PTPRT: variants seen among roughly 807,000 people sequenced by gnomAD.
PTPRT encodes receptor-type tyrosine-protein phosphatase T.
A neutral mutation model predicts 176.8 loss-of-function variants in PTPRT; 56 were observed. That is an observed-to-expected ratio of 0.32 (90% CI 0.26 to 0.40). The LOEUF is 0.40. PTPRT is among the 10% of genes least tolerant of loss of function. The pLI is 1.00. For missense variants in PTPRT, 1,540 were observed against 1,908.2 expected (o/e 0.81, Z 3.60); for synonymous variants, 783 against 739.0 (o/e 1.06, Z -0.96).
intron 7 of PTPRT, among the ~76,000 whole-genome samples, chr20:42,474,378 A>G (rs987144123): frequency 1.3e-5 from 2 of 152,236 alleles, no homozygotes; most frequent in African/African-American, 4.8e-5. Flanking sequence ...ACCAAGGAAC[A>G]TAGTTCACAG....
chr20:42,167,796 G>A (rs1290748286), intron 16 of PTPRT, among the ~76,000 whole-genome samples: 1 of 152,174 alleles, frequency 6.6e-6, no homozygotes, highest in Admixed American at 6.5e-5. Flanking sequence ...ATTCAAATGT[G>A]ATCTTCACAG....
At chr20:43,007,661 C>T (rs1416096679) in intron 1 of PTPRT, among the ~76,000 whole-genome samples, 3 of 152,132 alleles carry the variant, frequency 2.0e-5, no homozygotes, top group Non-Finnish European at 2.9e-5. Context: ...GCTTTTCTAC[C>T]GTAAGGGCTT....
intron 1 of PTPRT, among the ~76,000 whole-genome samples, chr20:43,025,556 CAGGGTTCTGT>C: frequency 6.6e-6 from 1 of 152,342 alleles, no homozygotes; most frequent in Non-Finnish European, 1.5e-5. Context: ...AATCATCACT[CAGGGTTCTGT>C]AGCCTCTTGC....
chr20:42,145,750 C>T (rs748132167), intron 17 of PTPRT, among the ~76,000 whole-genome samples: 38 of 152,138 alleles, frequency 2.5e-4, no homozygotes, highest in Non-Finnish European at 5.9e-5. Flanking sequence ...ACAACTTAGC[C>T]TTTCTTAGGT....
At chr20:42,095,433 T>C (rs1474320829) in intron 27 of PTPRT, among the ~76,000 whole-genome samples, 1 of 152,176 alleles carries the variant, frequency 6.6e-6, no homozygotes, top group East Asian at 1.9e-4. Flanking sequence ...ACCAGGTGCA[T>C]GCCTACCCTG....
intron 7 of PTPRT, among the ~76,000 whole-genome samples, chr20:42,605,087 G>A (rs975505642): frequency 5.3e-5 from 8 of 152,180 alleles, no homozygotes; most frequent in African/African-American, 1.9e-4. Context: ...ATGGAGTGAG[G>A]CGTGACCCAA....
At chr20:42,977,829 TG>T (rs1387942595) in intron 1 of PTPRT, among the ~76,000 whole-genome samples, 1 of 152,256 alleles carries the variant, frequency 6.6e-6, no homozygotes, top group African/African-American at 2.4e-5. Context: ...CTCAATCTTG[TG>T]ATAAAATCCT....
chr20:42,678,296 T>C, intron 6 of PTPRT, 137 bp from the exon 7 acceptor site: 1 of 808,108 alleles, frequency 1.2e-6, no homozygotes, highest in East Asian at 2.8e-5. Context: ...TGTTTTATTT[T>C]ATTATTTTTA....
chr20:42,126,081 T>C (rs1234444011), intron 19 of PTPRT, among the ~76,000 whole-genome samples: 1 of 151,942 alleles, frequency 6.6e-6, no homozygotes, highest in Non-Finnish European at 1.5e-5. Context: ...TCAGGTCTGG[T>C]TCCCATCCTG....
rs1982857860 is a variant in PTPRT, at chr20:42,077,183, C to T, written c.*3696G>A. On this transcript the variant is annotated 3_prime_UTR_variant, in exon 31 of 31. Transcript: ENST00000373187. ...TTGGTTCCTTTGCAGGCCACACCCA[C>T]AGAGAGGGCCAGCACTAAAAGCAAA... 5.4e-6 allele frequency: 1 copy of T among 183,832 alleles called. No individual in the cohort carries two copies. The highest frequency in any genetic ancestry group is 1.2e-5 in the Non-Finnish European group (1 of 86,686). The allele number at this position is 183,832 out of a possible 1,614,324, so 11.4% of individuals were successfully genotyped here.
chr20:42,183,625 C>T (rs536452105), intron 16 of PTPRT, among the ~76,000 whole-genome samples: 1 of 152,288 alleles, frequency 6.6e-6, no homozygotes, highest in South Asian at 2.1e-4. Context: ...CACCTCTATG[C>T]CCCTGTATAT....
At chr20:42,099,423 T>C (rs1405398839) in intron 26 of PTPRT, among the ~76,000 whole-genome samples, 1 of 152,068 alleles carries the variant, frequency 6.6e-6, no homozygotes, top group Non-Finnish European at 1.5e-5. Context: ...GACTTTGTTT[T>C]ACGTCCTTGG....
At chr20:42,841,558 G>A (rs989634900) in intron 2 of PTPRT, among the ~76,000 whole-genome samples, 1 of 151,082 alleles carries the variant, frequency 6.6e-6, no homozygotes, top group Non-Finnish European at 1.5e-5. Flanking sequence ...GCTACAGATA[G>A]CTTCATAACA....
intron 2 of PTPRT, among the ~76,000 whole-genome samples, chr20:42,795,382 C>T (rs2077439092): frequency 6.6e-6 from 1 of 152,188 alleles, no homozygotes; most frequent in African/African-American, 2.4e-5. Context: ...CAACACAGAT[C>T]TCCTTTTTGG....
chr20:42,336,165 T>C (rs188891329), intron 11 of PTPRT, among the ~76,000 whole-genome samples: 1 of 152,226 alleles, frequency 6.6e-6, no homozygotes, highest in Non-Finnish European at 1.5e-5. Context: ...CATTTGGCTC[T>C]GAAGTGACCT....
chr20:42,735,943 T>C (rs1211309746), intron 6 of PTPRT, among the ~76,000 whole-genome samples: 2 of 152,038 alleles, frequency 1.3e-5, no homozygotes, highest in African/African-American at 4.8e-5. Context: ...AGTCTCTGAT[T>C]CCTCACCTAG....
At chr20:42,408,521 C>T (rs1041279923) in intron 9 of PTPRT, among the ~76,000 whole-genome samples, 1 of 151,732 alleles carries the variant, frequency 6.6e-6, no homozygotes, top group Admixed American at 6.6e-5. Context: ...GTCAGGGAAT[C>T]TACAAGGCAT....
At chr20:42,245,824 T>A (rs2056439505) in intron 14 of PTPRT, among the ~76,000 whole-genome samples, 1 of 151,810 alleles carries the variant, frequency 6.6e-6, no homozygotes, top group Non-Finnish European at 1.5e-5. Flanking sequence ...GGGCTTTGAG[T>A]CAGCTGAATC....
intron 2 of PTPRT, among the ~76,000 whole-genome samples, chr20:42,869,128 T>C (rs1345349712): frequency 6.6e-6 from 1 of 152,058 alleles, no homozygotes; most frequent in Non-Finnish European, 1.5e-5. Flanking sequence ...CCAGGGTGGG[T>C]GGGGCTGCTC....
Sources: gnomAD v4.1 joint callset for allele counts (sites outside exome capture counted in the v4.1 genomes callset) on GRCh38, gnomAD v4.1.1 for gene constraint, MANE v1.5 for transcripts, NCBI Gene and HGNC (gene_info 2026-07-23, HGNC 2026-07-21) for gene names.